The following HACD3 variants were observed in gnomAD, a reference collection of about 807,000 sequenced individuals.
HACD3 encodes the protein 3-hydroxyacyl-CoA dehydratase 3, also known as very-long-chain (3R)-3-hydroxyacyl-CoA dehydratase 3.
A neutral mutation model predicts 55.2 loss-of-function variants in HACD3; 30 were observed. That is an observed-to-expected ratio of 0.54 (90% CI 0.41 to 0.74). HACD3 has a LOEUF of 0.74. HACD3 is among the 30% of genes least tolerant of loss of function. HACD3 has a pLI of 0.00. For synonymous variants in HACD3, 141 were observed against 151.7 expected (o/e 0.93, Z 0.52); for missense variants, 363 against 440.1 (o/e 0.82, Z 1.57).
At chr15:65,561,578 C>T (rs2072244846) in intron 5 of HACD3, among the ~76,000 whole-genome samples, 1 of 152,042 alleles carries the variant, frequency 6.6e-6, no homozygotes, top group South Asian at 2.1e-4. Context: ...GGAAAAAATA[C>T]AACACTACAA....
chr15:65,554,123 C>T (rs1431818556), intron 2 of HACD3, among the ~76,000 whole-genome samples: 1 of 152,248 alleles, frequency 6.6e-6, no homozygotes. Flanking sequence ...CTGTCCAAGA[C>T]AACCCAGCAT....
intron 7 of HACD3, among the ~76,000 whole-genome samples, chr15:65,569,664 C>T (rs994194793): frequency 1.3e-5 from 2 of 151,756 alleles, no homozygotes; most frequent in African/African-American, 4.8e-5. Context: ...GCCATGATTG[C>T]ACCACTGCAC....
chr15:65,547,008 C>A (rs996577577), intron 1 of HACD3, among the ~76,000 whole-genome samples: 3 of 152,174 alleles, frequency 2.0e-5, no homozygotes, highest in African/African-American at 7.2e-5. Context: ...CTTTATCATT[C>A]TTCCTCCTGT....
chr15:65,544,829 C>T lies in HACD3; in HGVS notation c.88-6847C>T, dbSNP rs199618254. Reference sequence around the variant, plus strand: ...CAGAGGTCGGGAGTTTGAGACCAACCTGACTAACATGGAGAAACCCTGTCT... The same window carrying T: ...CAGAGGTCGGGAGTTTGAGACCAACTTGACTAACATGGAGAAACCCTGTCT... On this transcript the variant is annotated intron_variant, in intron 1 of 10. Transcript: ENST00000261875. Among the ~76,000 whole-genome samples, 4 of 152,226 alleles carry T rather than the reference C, an allele frequency of 2.6e-5. No individual in the cohort carries two copies. In the East Asian group the frequency reaches 5.8e-4, roughly 22 times the overall value.
At chr15:65,567,435 G>A (rs1352475234) in intron 7 of HACD3, among the ~76,000 whole-genome samples, 2 of 152,156 alleles carry the variant, frequency 1.3e-5, no homozygotes, top group Non-Finnish European at 2.9e-5. Context: ...AGCACAAAAA[G>A]TAAATATACA....
chr15:65,541,126 A>C (rs573679439), intron 1 of HACD3, among the ~76,000 whole-genome samples: 24 of 152,340 alleles, frequency 1.6e-4, no homozygotes, highest in Admixed American at 1.2e-3. Context: ...GAGTCTTGTT[A>C]TAAACAATTT....
At chr15:65,544,399 A>G (rs1048933182) in intron 1 of HACD3, among the ~76,000 whole-genome samples, 22 of 152,210 alleles carry the variant, frequency 1.4e-4, no homozygotes, top group Non-Finnish European at 2.9e-4. Context: ...CTGCAAGCGA[A>G]TGCAAGTAAA....
intron 1 of HACD3, among the ~76,000 whole-genome samples, chr15:65,542,871 A>T (rs2456010): frequency 6.6e-6 from 1 of 152,020 alleles, no homozygotes; most frequent in Non-Finnish European, 1.5e-5. Context: ...GTCAAGAGAT[A>T]GAGACCATCC....
At chr15:65,569,741 A>ATT (rs2072330288) in intron 7 of HACD3, among the ~76,000 whole-genome samples, 1 of 152,180 alleles carries the variant, frequency 6.6e-6, no homozygotes, top group African/African-American at 2.4e-5. Context: ...TTATTAACAC[A>ATT]TGATAGTAGT....
Position 65,562,835 on chromosome 15 carries a change from C to G in HACD3, c.483C>G (p.Phe161Leu), listed in dbSNP as rs773986343. 1 of 1,613,904 alleles carries G rather than the reference C, an allele frequency of 6.2e-7. No individual in the cohort carries two copies. Among genetic ancestry groups the G allele is most frequent in the South Asian group, 1.1e-5 (1 of 91,064 alleles). Residue 161 changes from phenylalanine to leucine, a missense_variant, in exon 6 of 11, where the codon TTC becomes TTG. Coordinates refer to ENST00000261875, the MANE Select transcript of HACD3 (RefSeq NM_016395.4). ...FMYNLVQFLG[F>L]SWIFVNLTVR... ...ATAATCTTGTGCAATTCTTGGGATT[C>G]TCCTGGATCTTTGTCAACCTGACTG...
chr15:65,576,431 C>G lies in HACD3; in HGVS notation c.*52C>G, dbSNP rs1379988651. 2.6e-6 allele frequency: 4 copies of G among 1,514,858 alleles called. No individual in the cohort carries two copies. The highest frequency in any genetic ancestry group is 1.8e-6 in the Non-Finnish European group (2 of 1,128,358). The allele number at this position is 1,514,858 out of a possible 1,614,324, so 93.8% of individuals were successfully genotyped here. A position where few individuals can be genotyped will look rare whatever the true frequency, so the allele number is the denominator to read the frequency against. Reference sequence around the variant, plus strand: ...CAGTTTGAGCCTAATCTGATTCTTACAGTTTTACCTTCTTGAACCAATGTA... The same window carrying G: ...CAGTTTGAGCCTAATCTGATTCTTAGAGTTTTACCTTCTTGAACCAATGTA... On this transcript the variant is annotated 3_prime_UTR_variant, in exon 11 of 11. Coordinates refer to ENST00000261875, the MANE Select transcript of HACD3 (RefSeq NM_016395.4).
chr15:65,548,933 C>T (rs1169944302), intron 1 of HACD3, among the ~76,000 whole-genome samples: 1 of 151,960 alleles, frequency 6.6e-6, no homozygotes, highest in Non-Finnish European at 1.5e-5. Context: ...ATGTATGTTC[C>T]CCTAGCTGCA....
At chr15:65,561,566 A>G (rs977147075) in intron 5 of HACD3, among the ~76,000 whole-genome samples, 1 of 152,014 alleles carries the variant, frequency 6.6e-6, no homozygotes, top group African/African-American at 2.4e-5. Flanking sequence ...GCCAGGTGTT[A>G]TGGAAAAAAT....
chr15:65,547,744 C>A (rs2456009), intron 1 of HACD3, among the ~76,000 whole-genome samples: 66,234 of 152,084 alleles, frequency 0.44, 16,934 homozygotes, highest in Non-Finnish European at 0.57. Context: ...AAACTCTTGT[C>A]TAAAGGGTTA....
chr15:65,576,336 A>T lies in HACD3; in HGVS notation c.1046A>T (p.Gln349Leu). 1 of 1,603,120 alleles carries T rather than the reference A, an allele frequency of 6.2e-7. No individual in the cohort carries two copies. Among genetic ancestry groups the T allele is most frequent in the Non-Finnish European group, 8.5e-7 (1 of 1,174,826 alleles). The change falls in exon 11 of 11, where the codon CAG becomes CTG. Residue 349 changes from glutamine (Q) to leucine (L), a missense_variant. Transcript: ENST00000261875. ...ATAAATTTTCGTCACCTTTATAAAC[A>T]GCGCAGACGGCGCTATGGACAAAAA... ...LYINFRHLYK[Q>L]RRRRYGQKKK...
In HACD3 at chr15:65,544,089, A is replaced by G. The variant is rs150123234; in HGVS notation, c.88-7587A>G. ...CTACTCGGGAGGCCGAGGCAGGAGA[A>G]TGGCGTGAACCCGGGAGGCGGAGCT... On this transcript the variant is annotated intron_variant, in intron 1 of 10. Coordinates refer to ENST00000261875, the MANE Select transcript of HACD3 (RefSeq NM_016395.4). Among the ~76,000 whole-genome samples the G allele has an allele frequency of 1.5e-3, 221 of 152,296 alleles. 2 individuals carry two copies. The East Asian group carries it at 0.017, about 11-fold the overall frequency.
chr15:65,577,253 CT>C lies in HACD3; in HGVS notation c.*875del, dbSNP rs1432788431. The C allele has an allele frequency of 6.6e-6, 1 of 152,124 alleles. No individual in the cohort carries two copies. Among genetic ancestry groups the C allele is most frequent in the Non-Finnish European group, 1.5e-5 (1 of 68,050 alleles). The allele number at this position is 152,124 out of a possible 1,614,324, so 9.4% of individuals were successfully genotyped here. ...CAGCTTGGGCAACGTAGTGAGACCC[CT>C]ATCTCTACAAAAAATAAAAAAATTA... On this transcript the variant is annotated 3_prime_UTR_variant, in exon 11 of 11. Transcript: ENST00000261875.
At chr15:65,561,274 C>T (rs912487029) in intron 5 of HACD3, among the ~76,000 whole-genome samples, 11 of 152,206 alleles carry the variant, frequency 7.2e-5, no homozygotes, top group South Asian at 2.1e-4. Flanking sequence ...TAAGACCACC[C>T]TGGCCAACAT....
chr15:65,556,554 G>A (rs1352855832), intron 3 of HACD3, among the ~76,000 whole-genome samples, 185 bp from the exon 4 acceptor site: 3 of 152,154 alleles, frequency 2.0e-5, no homozygotes, highest in Non-Finnish European at 4.4e-5. Context: ...CCATGGACCA[G>A]TATCAGTCCA....
Sources: allele counts gnomAD v4.1 joint callset (sites outside exome capture counted in the v4.1 genomes callset), GRCh38; gene constraint gnomAD v4.1.1; transcripts MANE v1.5; gene names NCBI Gene and HGNC (gene_info 2026-07-23, HGNC 2026-07-21).